Variants in AMPH observed in about 807,000 individuals in gnomAD.
AMPH encodes the protein amphiphysin (Stiff-Mann syndrome with breast cancer 128kD autoantigen).
In AMPH, 49 loss-of-function variants were observed where a neutral mutation model predicts 99.1. That is an observed-to-expected ratio of 0.49 (90% CI 0.39 to 0.63). The LOEUF is 0.63. AMPH is among the 20% of genes least tolerant of loss of function. AMPH has a pLI of 0.00. For synonymous variants in AMPH, 314 were observed against 317.3 expected (o/e 0.99, Z 0.11); for missense variants, 759 against 863.4 (o/e 0.88, Z 1.52).
intron 5 of AMPH, among the ~76,000 whole-genome samples, chr7:38,481,539 C>T (rs1322171464): frequency 6.6e-6 from 1 of 152,132 alleles, no homozygotes; most frequent in Non-Finnish European, 1.5e-5. Flanking sequence ...ACAATAACTG[C>T]TCACAGCTGT....
intron 1 of AMPH, among the ~76,000 whole-genome samples, chr7:38,604,585 G>A (rs1584295561): frequency 6.6e-6 from 1 of 152,194 alleles, no homozygotes; most frequent in Non-Finnish European, 1.5e-5. Flanking sequence ...GAGTAGAATA[G>A]ATTACTTCAT....
intron 2 of AMPH, among the ~76,000 whole-genome samples, chr7:38,504,621 C>T (rs983762653): frequency 5.3e-5 from 8 of 152,122 alleles, no homozygotes; most frequent in African/African-American, 1.9e-4. Flanking sequence ...AACTGAAAGG[C>T]GAGGAAGCTG....
chr7:38,426,874 G>C (rs1334552136), intron 15 of AMPH, 80 bp downstream of exon 15: 1 of 1,306,092 alleles, frequency 7.7e-7, no homozygotes, highest in Non-Finnish European at 1.1e-6. Flanking sequence ...CTATACTAGT[G>C]GCACAGAGAA....
chr7:38,521,487 C>T (rs1026153228), intron 2 of AMPH, among the ~76,000 whole-genome samples: 1 of 152,162 alleles, frequency 6.6e-6, no homozygotes, highest in Admixed American at 6.5e-5. Context: ...CGCCACTTCA[C>T]TCCAGCCTGG....
intron 5 of AMPH, among the ~76,000 whole-genome samples, chr7:38,485,875 A>C (rs1213090809): frequency 6.6e-6 from 1 of 152,000 alleles, no homozygotes; most frequent in Non-Finnish European, 1.5e-5. Flanking sequence ...TTGAACGACC[A>C]ATGGGTCCAA....
intron 3 of AMPH, among the ~76,000 whole-genome samples, chr7:38,502,278 A>C (rs1444230543): frequency 1.3e-5 from 2 of 152,184 alleles, no homozygotes; most frequent in African/African-American, 4.8e-5. Context: ...CTAGAGACTA[A>C]ATTTACTGTA....
intron 2 of AMPH, among the ~76,000 whole-genome samples, chr7:38,507,745 T>C (rs1002190489): frequency 1.3e-5 from 2 of 152,210 alleles, no homozygotes; most frequent in Admixed American, 1.3e-4. Flanking sequence ...TATTTTCCCT[T>C]CTTGTTTCTT....
At chr7:38,493,688 G>A (rs1788814237) in intron 4 of AMPH, among the ~76,000 whole-genome samples, 2 of 152,140 alleles carry the variant, frequency 1.3e-5, no homozygotes, top group Admixed American at 1.3e-4. Context: ...TTGTCTTCGT[G>A]AAGTGAAGAT....
intron 4 of AMPH, among the ~76,000 whole-genome samples, chr7:38,494,203 C>A (rs1378240418): frequency 2.0e-5 from 3 of 152,200 alleles, no homozygotes; most frequent in African/African-American, 7.2e-5. Context: ...AGGCAATTCA[C>A]CCGCCTCGTC....
At chr7:38,560,949 C>A (rs1791533171) in intron 1 of AMPH, among the ~76,000 whole-genome samples, 1 of 152,186 alleles carries the variant, frequency 6.6e-6, no homozygotes, top group Non-Finnish European at 1.5e-5. Context: ...ATTACTTGTT[C>A]TCTCAAACTT....
chr7:38,623,805 C>T (rs541203055), intron 1 of AMPH, among the ~76,000 whole-genome samples: 2 of 152,244 alleles, frequency 1.3e-5, no homozygotes, highest in Non-Finnish European at 2.9e-5. Context: ...GGCAAAGCGA[C>T]AATCGAAAAA....
intron 1 of AMPH, among the ~76,000 whole-genome samples, chr7:38,617,782 G>A (rs1217400697): frequency 6.6e-6 from 1 of 151,946 alleles, no homozygotes; most frequent in Non-Finnish European, 1.5e-5. Flanking sequence ...CCAGAAAAAA[G>A]TTATAAGATG....
intron 5 of AMPH, among the ~76,000 whole-genome samples, chr7:38,486,368 C>A (rs1267783123): frequency 4.6e-5 from 7 of 151,592 alleles, no homozygotes; most frequent in Non-Finnish European, 7.4e-5. Context: ...TACATACAAC[C>A]TAGGAAGACT....
chr7:38,508,512 T>G (rs1789418874), intron 2 of AMPH, among the ~76,000 whole-genome samples: 2 of 152,208 alleles, frequency 1.3e-5, no homozygotes, highest in African/African-American at 4.8e-5. Context: ...TTTCATTAAG[T>G]TGCCTCTCCA....
At chr7:38,429,521 G>A in intron 14 of AMPH, 2 of 1,382,200 alleles carry the variant, frequency 1.4e-6, no homozygotes, top group Non-Finnish European at 9.5e-7. Flanking sequence ...CCAACCCACT[G>A]TCTGGAGTTT....
intron 1 of AMPH, among the ~76,000 whole-genome samples, chr7:38,614,709 G>T (rs1793812178): frequency 6.6e-6 from 1 of 152,112 alleles, no homozygotes; most frequent in Non-Finnish European, 1.5e-5. Context: ...CATTCTTTAT[G>T]ATTTTTCCAA....
chr7:38,479,119 A>G (rs1023495317), intron 5 of AMPH, among the ~76,000 whole-genome samples: 6 of 152,104 alleles, frequency 3.9e-5, no homozygotes, highest in African/African-American at 1.4e-4. Context: ...AGAAACTCAG[A>G]GAATACCAAA....
At chr7:38,489,406 A>AGG (rs113622458) in intron 5 of AMPH, among the ~76,000 whole-genome samples, 147 of 150,524 alleles carry the variant, frequency 9.8e-4, no homozygotes, top group Non-Finnish European at 1.5e-3. Flanking sequence ...AGAAAAGTTG[A>AGG]GGGGGGGGGA....
chr7:38,522,995 C>A (rs1282118672), intron 2 of AMPH, among the ~76,000 whole-genome samples: 2 of 151,716 alleles, frequency 1.3e-5, no homozygotes, highest in Non-Finnish European at 2.9e-5. Flanking sequence ...GTAATCCCAG[C>A]TACTCGGGAG....
Sources: gnomAD v4.1 joint callset for allele counts (sites outside exome capture counted in the v4.1 genomes callset) on GRCh38, gnomAD v4.1.1 for gene constraint, MANE v1.5 for transcripts, NCBI Gene and HGNC (gene_info 2026-07-23, HGNC 2026-07-21) for gene names.